BMERB1: variants seen among roughly 807,000 people sequenced by gnomAD.
The protein encoded by BMERB1 is bMERB domain-containing protein 1.
Under a neutral mutation model 23.6 loss-of-function variants are expected in BMERB1, and 12 were observed. The ratio of observed to expected loss-of-function variants is 0.51; its 90% CI spans 0.33 to 0.82. BMERB1 has a LOEUF of 0.82. Among genes scored for constraint, BMERB1 ranks in the 40% least tolerant of loss-of-function variants. The pLI is 0.03. For missense variants in BMERB1, 247 were observed against 255.4 expected (o/e 0.97, Z 0.22); for synonymous variants, 122 against 96.6 (o/e 1.26, Z -1.54).
rs376264564 is a variant in BMERB1 at position 15,586,790 on chromosome 16, C to T, written c.576C>T (p.Ile192=). The T allele has an allele frequency of 6.2e-6, 10 of 1,611,664 alleles. No individual in the cohort carries two copies. In the African/African-American group the frequency reaches 1.1e-4, roughly 17 times the overall value. The part of the protein sequence containing the change: ...PTVAKTGLAL[I]KDCCGATQCN... ...TGGCCAAGACGGGGCTGGCACTGAT[C>T]AAGGATTGTTGCGGGGCCACCCAGT... The change falls in exon 6 of 6, where the codon ATC becomes ATT. Residue 192 remains isoleucine, a synonymous_variant. Coordinates refer to ENST00000300006, the MANE Select transcript of BMERB1 (RefSeq NM_033201.3).
chr16:15,554,600 TCCAG>T (rs1323006462), intron 2 of BMERB1, among the ~76,000 whole-genome samples: 1 of 150,348 alleles, frequency 6.7e-6, no homozygotes, highest in Non-Finnish European at 1.5e-5. Context: ...GGAGTTCAAG[TCCAG>T]CCTGGGCAAT....
chr16:15,568,494 C>T (rs2030639079), intron 3 of BMERB1, among the ~76,000 whole-genome samples: 1 of 151,956 alleles, frequency 6.6e-6, no homozygotes, highest in African/African-American at 2.4e-5. Flanking sequence ...AAAAATTAGC[C>T]AGGTGTGGTG....
chr16:15,493,849 C>T (rs982693217), intron 1 of BMERB1, among the ~76,000 whole-genome samples: 1 of 152,180 alleles, frequency 6.6e-6, no homozygotes, highest in Admixed American at 6.5e-5. Context: ...GATTTTCAGG[C>T]TAAGCAGTTT....
intron 1 of BMERB1, among the ~76,000 whole-genome samples, chr16:15,439,287 T>C (rs2050916774): frequency 6.6e-6 from 1 of 152,320 alleles, no homozygotes; most frequent in Non-Finnish European, 1.5e-5. Flanking sequence ...GGTCTCTGTG[T>C]GTCAGTTGCC....
At chr16:15,563,407 G>A (rs1404448908) in intron 2 of BMERB1, among the ~76,000 whole-genome samples, 1 of 151,932 alleles carries the variant, frequency 6.6e-6, no homozygotes, top group Non-Finnish European at 1.5e-5. Context: ...TTTTAGTAGA[G>A]ACGGGGTTTC....
At chr16:15,514,885 C>G (rs1389496702) in intron 1 of BMERB1, among the ~76,000 whole-genome samples, 1 of 152,148 alleles carries the variant, frequency 6.6e-6, no homozygotes, top group Non-Finnish European at 1.5e-5. Flanking sequence ...TCGAGACCAT[C>G]CTGGCTAACA....
chr16:15,464,498 G>C (rs1203240673), intron 1 of BMERB1, among the ~76,000 whole-genome samples: 3 of 152,094 alleles, frequency 2.0e-5, no homozygotes, highest in Admixed American at 6.6e-5. Flanking sequence ...TGGCTTCTCT[G>C]TAGGCAGAGC....
intron 1 of BMERB1, among the ~76,000 whole-genome samples, chr16:15,472,951 C>T (rs576868413): frequency 6.7e-6 from 1 of 148,854 alleles, no homozygotes; most frequent in Admixed American, 6.8e-5. Flanking sequence ...CCTTTACTTT[C>T]CAGGTTCAAG....
chr16:15,542,146 C>T (rs865959338), intron 2 of BMERB1, among the ~76,000 whole-genome samples: 1 of 151,374 alleles, frequency 6.6e-6, no homozygotes, highest in African/African-American at 2.4e-5. Context: ...TCACTGCAAC[C>T]TCCGCCTCCC....
Position 15,483,974 on chromosome 16 carries a change from G to C in BMERB1, c.107-31331G>C, listed in dbSNP as rs565045881. Among the ~76,000 whole-genome samples, 6 of 152,328 alleles carry C rather than the reference G, an allele frequency of 3.9e-5. No homozygotes were observed. In the East Asian group the frequency reaches 1.2e-3, roughly 29 times the overall value. ...TACAAGAAACATGGTGCCAGCATCT[G>C]ATTCTGGTGAGGGGCCCAAGAATCT... is the stretch of plus-strand genomic sequence containing the variant. On this transcript the variant is annotated intron_variant, in intron 1 of 5. Coordinates refer to ENST00000300006, the MANE Select transcript of BMERB1 (RefSeq NM_033201.3).
At chr16:15,577,759 C>G (rs934643309) in intron 3 of BMERB1, among the ~76,000 whole-genome samples, 4 of 152,242 alleles carry the variant, frequency 2.6e-5, no homozygotes, top group Non-Finnish European at 5.9e-5. Context: ...GGAGAGGCTG[C>G]AAACACAGTG....
intron 2 of BMERB1, among the ~76,000 whole-genome samples, chr16:15,563,292 C>CT (rs1256420482): frequency 6.7e-6 from 1 of 150,096 alleles, no homozygotes; most frequent in African/African-American, 2.5e-5. Flanking sequence ...GCAATCTTGG[C>CT]CCGCTGCAAC....
At chr16:15,439,778 G>A (rs1282282128) in intron 1 of BMERB1, among the ~76,000 whole-genome samples, 2 of 152,138 alleles carry the variant, frequency 1.3e-5, no homozygotes, top group African/African-American at 2.4e-5. Context: ...ATTAATTGAG[G>A]GAGACATGCA....
At chr16:15,496,788 T>G (rs926532366) in intron 1 of BMERB1, among the ~76,000 whole-genome samples, 3 of 152,146 alleles carry the variant, frequency 2.0e-5, no homozygotes, top group African/African-American at 7.2e-5. Context: ...TCTGCCCGCC[T>G]CGGCCTCCCA....
rs374523561 is a variant in BMERB1, at chr16:15,508,947, C to G, written c.107-6358C>G. Reference sequence around the variant, plus strand: ...ATTTGTATCTGATTCAAGCTTTAGGCTTCGTTCCTTTCTCTTGGGGAAGAA... The same window carrying G: ...ATTTGTATCTGATTCAAGCTTTAGGGTTCGTTCCTTTCTCTTGGGGAAGAA... On this transcript the variant is annotated intron_variant, in intron 1 of 5. Coordinates refer to ENST00000300006, the MANE Select transcript of BMERB1 (RefSeq NM_033201.3). 2.8e-4 allele frequency among the ~76,000 whole-genome samples: 43 copies of G among 151,918 alleles called. 2 individuals carry two copies. In the South Asian group the frequency reaches 7.9e-3, roughly 28 times the overall value.
At chr16:15,480,373 CA>C (rs2051309639) in intron 1 of BMERB1, among the ~76,000 whole-genome samples, 1 of 152,052 alleles carries the variant, frequency 6.6e-6, no homozygotes, top group African/African-American at 2.4e-5. Flanking sequence ...CTAGGCCTCC[CA>C]AAGTGCTGGG....
chr16:15,575,297 T>C (rs1276107074), intron 3 of BMERB1, among the ~76,000 whole-genome samples: 1 of 152,224 alleles, frequency 6.6e-6, no homozygotes, highest in Non-Finnish European at 1.5e-5. Context: ...CTCAGACATA[T>C]ATGCTAAGAT....
intron 1 of BMERB1, among the ~76,000 whole-genome samples, chr16:15,444,639 C>A (rs1166743305): frequency 6.6e-6 from 1 of 152,120 alleles, no homozygotes; most frequent in Non-Finnish European, 1.5e-5. Flanking sequence ...TTGAGAAATG[C>A]CTGCCAGGCT....
intron 2 of BMERB1, among the ~76,000 whole-genome samples, chr16:15,542,645 T>C (rs1400871687): frequency 1.3e-5 from 2 of 150,478 alleles, no homozygotes; most frequent in Non-Finnish European, 3.0e-5. Context: ...TTTTTTTTTT[T>C]TTTTTTTTTT....
Sources: gnomAD v4.1 joint callset for allele counts (sites outside exome capture counted in the v4.1 genomes callset) on GRCh38, gnomAD v4.1.1 for gene constraint, MANE v1.5 for transcripts, NCBI Gene and HGNC (gene_info 2026-07-23, HGNC 2026-07-21) for gene names.